The following ZHX2 variants were observed in gnomAD, a reference collection of about 807,000 sequenced individuals.
ZHX2 encodes the protein zinc fingers and homeoboxes protein 2.
Under a neutral mutation model 21.9 loss-of-function variants are expected in ZHX2, and 6 were observed. The ratio of observed to expected loss-of-function variants is 0.27; its 90% CI spans 0.15 to 0.54. The LOEUF (loss-of-function observed/expected upper bound fraction) is 0.54, where lower values mean the gene tolerates loss of function less well. Among genes scored for constraint, ZHX2 ranks in the 20% least tolerant of loss-of-function variants. ZHX2 has a pLI of 0.95. For synonymous variants in ZHX2, 434 were observed against 437.1 expected (o/e 0.99, Z 0.09); for missense variants, 908 against 1,090.7 (o/e 0.83, Z 2.36).
At chr8:122,926,877 C>CCT (rs1820871445) in intron 2 of ZHX2, among the ~76,000 whole-genome samples, 1 of 152,182 alleles carries the variant, frequency 6.6e-6, no homozygotes, top group African/African-American at 2.4e-5. Flanking sequence ...TCTCCCTCTG[C>CCT]CTCTCTCTTA....
At chr8:122,859,566 G>A (rs1005808757) in intron 1 of ZHX2, among the ~76,000 whole-genome samples, 2 of 152,132 alleles carry the variant, frequency 1.3e-5, no homozygotes, top group African/African-American at 4.8e-5. Flanking sequence ...GAAGAAGGCA[G>A]TGAGCCAGGA....
At chr8:122,801,112 G>A (rs1432910458) in intron 1 of ZHX2, among the ~76,000 whole-genome samples, 1 of 152,206 alleles carries the variant, frequency 6.6e-6, no homozygotes, top group African/African-American at 2.4e-5. Flanking sequence ...AATGAGTGAA[G>A]AGGCTATACA....
At chr8:122,874,747 CAGTAGATCAT>C (rs1351210761) in intron 2 of ZHX2, among the ~76,000 whole-genome samples, 1 of 152,072 alleles carries the variant, frequency 6.6e-6, no homozygotes, top group African/African-American at 2.4e-5. Context: ...ACCCAGTAAA[CAGTAGATCAT>C]AGTTCTGCCA....
intron 2 of ZHX2, among the ~76,000 whole-genome samples, chr8:122,864,817 T>A (rs1029121703): frequency 6.6e-6 from 1 of 152,072 alleles, no homozygotes; most frequent in African/African-American, 2.4e-5. Flanking sequence ...AATGGGGAAG[T>A]TACGCAGGAG....
chr8:122,970,632 G>T (rs1261925282), intron 3 of ZHX2, among the ~76,000 whole-genome samples: 1 of 152,178 alleles, frequency 6.6e-6, no homozygotes, highest in African/African-American at 2.4e-5. Flanking sequence ...AAGAACATCG[G>T]TAGCTGTCTT....
At chr8:122,798,317 G>T (rs905069777) in intron 1 of ZHX2, among the ~76,000 whole-genome samples, 1 of 152,226 alleles carries the variant, frequency 6.6e-6, no homozygotes, top group African/African-American at 2.4e-5. Flanking sequence ...GGACCCTACA[G>T]TGCTGAGGGA....
At chr8:122,954,150 G>T (rs1357455617) in intron 3 of ZHX2, 122 bp downstream of exon 3, 21 of 857,662 alleles carry the variant, frequency 2.4e-5, no homozygotes, top group South Asian at 1.4e-4. Flanking sequence ...TCTTTTTCTT[G>T]TAATTAACAA....
intron 2 of ZHX2, among the ~76,000 whole-genome samples, chr8:122,921,403 C>T (rs1820735443): frequency 6.6e-6 from 1 of 152,070 alleles, no homozygotes; most frequent in Non-Finnish European, 1.5e-5. Flanking sequence ...TGATTTGTGC[C>T]CAAGTGCTGA....
intron 1 of ZHX2, among the ~76,000 whole-genome samples, chr8:122,838,639 G>A (rs1379898776): frequency 1.4e-5 from 2 of 140,222 alleles, no homozygotes; most frequent in African/African-American, 2.7e-5. Flanking sequence ...GCAGTGGCTC[G>A]ATCTCGGCTC....
rs78138664 is a variant in ZHX2 at position 122,930,644 on chromosome 8, GT to G, written c.-219-20632del. On this transcript the variant is annotated intron_variant, in intron 2 of 3. Coordinates refer to ENST00000314393, the MANE Select transcript of ZHX2 (RefSeq NM_014943.5). ...CAGCCACCACGCCTGGCTAATTTTT[GT>G]TTTTTTTTTTTTTTTATTTTTTTCA... Among the ~76,000 whole-genome samples, 135 of 141,692 alleles carry G rather than the reference GT, an allele frequency of 9.5e-4. No individual in the cohort carries two copies. In the Middle Eastern group the frequency reaches 0.011, roughly 12 times the overall value. 93.0% of individuals were successfully genotyped at this position (141,692 alleles called of 152,430 possible). A position where few individuals can be genotyped will look rare whatever the true frequency, so the allele number is the denominator to read the frequency against.
chr8:122,937,405 T>C (rs549737793), intron 2 of ZHX2, among the ~76,000 whole-genome samples: 26 of 152,182 alleles, frequency 1.7e-4, no homozygotes, highest in African/African-American at 5.8e-4. Flanking sequence ...ATTCTAGATA[T>C]GTTAAATCTG....
At chr8:122,903,328 T>TA (rs1032784417) in intron 2 of ZHX2, among the ~76,000 whole-genome samples, 1 of 152,218 alleles carries the variant, frequency 6.6e-6, no homozygotes, top group Non-Finnish European at 1.5e-5. Context: ...AAAGAGTATT[T>TA]ATCAGGTGCT....
At chr8:122,906,190 T>G (rs1451754184) in intron 2 of ZHX2, among the ~76,000 whole-genome samples, 1 of 152,246 alleles carries the variant, frequency 6.6e-6, no homozygotes, top group African/African-American at 2.4e-5. Flanking sequence ...AGCTATTTTT[T>G]TGAAATGAAT....
intron 2 of ZHX2, among the ~76,000 whole-genome samples, chr8:122,895,274 A>G (rs1225984396): frequency 6.6e-6 from 1 of 152,188 alleles, no homozygotes; most frequent in Non-Finnish European, 1.5e-5. Context: ...GGCATTTGCA[A>G]TTAAATTAGG....
At chr8:122,972,977 T>C (rs771209890) in intron 3 of ZHX2, among the ~76,000 whole-genome samples, 6 of 152,186 alleles carry the variant, frequency 3.9e-5, no homozygotes, top group Admixed American at 1.3e-4. Flanking sequence ...CACCTTCACT[T>C]GCCCAGAAAG....
chr8:122,780,886 C>T (rs1203789686), upstream of ZHX2: 1 of 152,176 alleles, frequency 6.6e-6, no homozygotes, highest in Non-Finnish European at 1.5e-5. Context: ...TGTTTATTGG[C>T]TCTTAAGGGA....
At chr8:122,936,290 C>T (rs16897774) in intron 2 of ZHX2, among the ~76,000 whole-genome samples, 2,326 of 152,270 alleles carry the variant, frequency 0.015, 67 homozygotes, top group Admixed American at 0.067. Context: ...TCAGCCATGG[C>T]ATCAGTTGCG....
chr8:122,880,491 G>A (rs1819686729), intron 2 of ZHX2, among the ~76,000 whole-genome samples: 1 of 152,022 alleles, frequency 6.6e-6, no homozygotes, highest in African/African-American at 2.4e-5. Flanking sequence ...ATGCTCATGA[G>A]GGGCTGGGCA....
chr8:122,937,933 GTTTTTTT>G (rs71310636), intron 2 of ZHX2, among the ~76,000 whole-genome samples: 1 of 73,352 alleles, frequency 1.4e-5, no homozygotes, highest in Admixed American at 2.4e-4. Context: ...TTTCTTTTTG[GTTTTTTT>G]TTTTTTTTTT....
Sources: gnomAD v4.1 joint callset for allele counts (sites outside exome capture counted in the v4.1 genomes callset) on GRCh38, gnomAD v4.1.1 for gene constraint, MANE v1.5 for transcripts, NCBI Gene and HGNC (gene_info 2026-07-23, HGNC 2026-07-21) for gene names.